Variants in CSMD1 observed in about 807,000 individuals in gnomAD.
The protein encoded by CSMD1 is CUB and Sushi multiple domains 1.
A neutral mutation model predicts 417.5 loss-of-function variants in CSMD1; 213 were observed. The ratio of observed to expected loss-of-function variants is 0.51; its 90% CI spans 0.46 to 0.57. The LOEUF (loss-of-function observed/expected upper bound fraction) is 0.57, where lower values mean the gene tolerates loss of function less well. Ranked by LOEUF, CSMD1 falls within the 20% of genes least tolerant of loss-of-function variation. The pLI, the probability that CSMD1 is intolerant of heterozygous loss-of-function variation, is 0.00. For synonymous variants in CSMD1, 2,862 were observed against 1,736.8 expected (o/e 1.65, Z -16.11); for missense variants, 6,923 against 4,529.7 (o/e 1.53, Z -15.17).
intron 41 of CSMD1, among the ~76,000 whole-genome samples, chr8:3,136,550 C>A (rs1449085442): frequency 6.6e-6 from 1 of 152,166 alleles, no homozygotes; most frequent in Non-Finnish European, 1.5e-5. Context: ...CAGACATGAG[C>A]CACCGTGACC....
intron 5 of CSMD1, among the ~76,000 whole-genome samples, chr8:3,786,531 G>C (rs1038483946): frequency 6.6e-6 from 1 of 152,162 alleles, no homozygotes; most frequent in African/African-American, 2.4e-5. Context: ...GAATATCACA[G>C]CTCCCGAGTA....
intron 1 of CSMD1, among the ~76,000 whole-genome samples, chr8:4,688,996 T>G (rs1433760080): frequency 6.6e-6 from 1 of 152,250 alleles, no homozygotes; most frequent in Non-Finnish European, 1.5e-5. Context: ...CAGAGGAAGT[T>G]ATAGAACTAA....
chr8:3,978,197 C>T (rs535782277), intron 5 of CSMD1, among the ~76,000 whole-genome samples: 1 of 152,262 alleles, frequency 6.6e-6, no homozygotes, highest in South Asian at 2.1e-4. Flanking sequence ...CTGTTATTAC[C>T]AATGAGGTCA....
chr8:4,180,277 G>C (rs112502642), intron 3 of CSMD1, among the ~76,000 whole-genome samples: 4,675 of 152,086 alleles, frequency 0.031, 102 homozygotes, highest in Non-Finnish European at 0.045. Context: ...GTCCTTTGTA[G>C]GGATATGGAT....
At chr8:3,917,600 G>A (rs1186986884) in intron 5 of CSMD1, among the ~76,000 whole-genome samples, 6 of 83,030 alleles carry the variant, frequency 7.2e-5, no homozygotes, top group South Asian at 6.1e-4. Context: ...AGTTCAGATT[G>A]GCTTCATATT....
chr8:4,274,113 C>T (rs183321796), intron 3 of CSMD1, among the ~76,000 whole-genome samples: 66 of 152,066 alleles, frequency 4.3e-4, no homozygotes, highest in African/African-American at 1.5e-3. Context: ...ATTAAATAAC[C>T]CCTCCTCCAT....
intron 6 of CSMD1, among the ~76,000 whole-genome samples, chr8:3,751,292 C>A (rs1250285090): frequency 7.8e-6 from 1 of 128,018 alleles, no homozygotes; most frequent in Non-Finnish European, 1.7e-5. Context: ...CTTATATATA[C>A]AATTGAAGTG....
At chr8:3,914,907 C>G (rs1400029832) in intron 5 of CSMD1, among the ~76,000 whole-genome samples, 1 of 152,048 alleles carries the variant, frequency 6.6e-6, no homozygotes, top group Non-Finnish European at 1.5e-5. Context: ...CAGAATAACT[C>G]AATAATTACT....
At chr8:3,261,610 C>A (rs560548514) in intron 26 of CSMD1, among the ~76,000 whole-genome samples, 1 of 152,156 alleles carries the variant, frequency 6.6e-6, no homozygotes, top group Non-Finnish European at 1.5e-5. Context: ...TGTCCTTCGG[C>A]GGTGAGTGAT....
chr8:3,003,697 G>C (rs1010768312), intron 52 of CSMD1, among the ~76,000 whole-genome samples: 2 of 152,182 alleles, frequency 1.3e-5, no homozygotes, highest in Non-Finnish European at 2.9e-5. Context: ...CACGTGCAGA[G>C]TCCTGAGGGT....
chr8:4,710,961 A>G (rs1245527799), intron 1 of CSMD1, among the ~76,000 whole-genome samples: 1 of 152,104 alleles, frequency 6.6e-6, no homozygotes, highest in Non-Finnish European at 1.5e-5. Context: ...GAGACAAATG[A>G]TGGTGCTCTT....
intron 1 of CSMD1, chr8:4,787,822 G>C: frequency 2.5e-6 from 4 of 1,573,596 alleles, no homozygotes; most frequent in Non-Finnish European, 3.5e-6. Flanking sequence ...TGCTACACAG[G>C]CTATATTTGA....
chr8:3,554,716 T>G (rs1799067161), intron 10 of CSMD1, among the ~76,000 whole-genome samples: 1 of 152,144 alleles, frequency 6.6e-6, no homozygotes, highest in South Asian at 2.1e-4. Flanking sequence ...ATCAGAATGT[T>G]GAGAGCTTCA....
At chr8:3,987,911 G>A (rs565002825) in intron 5 of CSMD1, among the ~76,000 whole-genome samples, 1 of 152,144 alleles carries the variant, frequency 6.6e-6, no homozygotes, top group Non-Finnish European at 1.5e-5. Context: ...TGATCTCTGA[G>A]AGTCACACCG....
chr8:4,025,150 G>C (rs762504901), intron 4 of CSMD1, among the ~76,000 whole-genome samples: 3 of 152,228 alleles, frequency 2.0e-5, no homozygotes, highest in Non-Finnish European at 4.4e-5. Context: ...AATTTTCCAT[G>C]GATGTGAGCT....
At chr8:4,773,538 G>A (rs1006796759) in intron 1 of CSMD1, among the ~76,000 whole-genome samples, 1 of 152,106 alleles carries the variant, frequency 6.6e-6, no homozygotes, top group Non-Finnish European at 1.5e-5. Context: ...TGATTCAGTT[G>A]AAAGAAAGTT....
intron 2 of CSMD1, among the ~76,000 whole-genome samples, chr8:4,617,437 G>A (rs1217995230): frequency 6.6e-6 from 1 of 152,166 alleles, no homozygotes; most frequent in Non-Finnish European, 1.5e-5. Context: ...TAGTAGGACT[G>A]ATATTTTGGT....
chr8:4,746,398 T>A (rs1810954820), intron 1 of CSMD1, among the ~76,000 whole-genome samples: 1 of 152,216 alleles, frequency 6.6e-6, no homozygotes, highest in Non-Finnish European at 1.5e-5. Flanking sequence ...GCAAATCTCA[T>A]TTTAAGGCAA....
chr8:4,936,943 G>T (rs1418878183), intron 1 of CSMD1, among the ~76,000 whole-genome samples: 1 of 152,024 alleles, frequency 6.6e-6, no homozygotes, highest in African/African-American at 2.4e-5. Flanking sequence ...GGCTCTGGTG[G>T]CTCATACCTA....
Sources: gnomAD v4.1 joint callset for allele counts (sites outside exome capture counted in the v4.1 genomes callset) on GRCh38, gnomAD v4.1.1 for gene constraint, MANE v1.5 for transcripts, NCBI Gene and HGNC (gene_info 2026-07-23, HGNC 2026-07-21) for gene names.